The following NTM variants were observed in gnomAD, a reference collection of about 807,000 sequenced individuals.
The protein encoded by NTM is IgLON family member 2.
Under a neutral mutation model 42.1 loss-of-function variants are expected in NTM, and 13 were observed. The observed-to-expected ratio is 0.31, with a 90% confidence interval of 0.20 to 0.49. The LOEUF is 0.49. Among genes scored for constraint, NTM ranks in the 20% least tolerant of loss-of-function variants. The pLI is 0.99. For synonymous variants in NTM, 187 were observed against 179.2 expected, an observed-to-expected ratio of 1.04 and a Z score of -0.35; for missense variants, 373 against 452.8, an observed-to-expected ratio of 0.82 and a Z score of 1.60.
At chr11:131,945,621 A>C (rs2060259514) in intron 2 of NTM, among the ~76,000 whole-genome samples, 1 of 152,238 alleles carries the variant, frequency 6.6e-6, no homozygotes, top group Non-Finnish European at 1.5e-5. Context: ...AAAATCATTT[A>C]AGAAAATAAC....
chr11:131,965,402 C>A (rs960969146), intron 2 of NTM, among the ~76,000 whole-genome samples: 1 of 152,128 alleles, frequency 6.6e-6, no homozygotes, highest in Non-Finnish European at 1.5e-5. Flanking sequence ...GAAAGGAATG[C>A]AGTCACTGCT....
chr11:131,718,042 G>A (rs2077907483), intron 1 of NTM, among the ~76,000 whole-genome samples: 1 of 152,144 alleles, frequency 6.6e-6, no homozygotes, highest in East Asian at 1.9e-4. Context: ...AACTAGCCTT[G>A]TATTCCTGGG....
chr11:132,189,733 G>T (rs770410008), intron 3 of NTM, among the ~76,000 whole-genome samples: 1 of 152,232 alleles, frequency 6.6e-6, no homozygotes, highest in East Asian at 1.9e-4. Flanking sequence ...TCACTCCTGT[G>T]TCAATAGTTA....
chr11:131,778,679 T>C (rs927707694), intron 1 of NTM, among the ~76,000 whole-genome samples: 16 of 152,352 alleles, frequency 1.1e-4, no homozygotes, highest in African/African-American at 3.4e-4. Flanking sequence ...ACAGGAACTT[T>C]AGTCTCATTC....
chr11:131,501,212 G>C (rs2046784324), intron 1 of NTM, among the ~76,000 whole-genome samples: 2 of 152,114 alleles, frequency 1.3e-5, no homozygotes. Flanking sequence ...GTGAATAAAG[G>C]CAGGAAGCAA....
chr11:131,882,192 G>T (rs895506468), intron 1 of NTM, among the ~76,000 whole-genome samples: 3 of 152,180 alleles, frequency 2.0e-5, no homozygotes, highest in African/African-American at 7.2e-5. Flanking sequence ...GTATGTGTGT[G>T]TGTCTTTCTA....
chr11:131,885,623 C>A (rs1366160654), intron 1 of NTM, among the ~76,000 whole-genome samples: 1 of 152,200 alleles, frequency 6.6e-6, no homozygotes, highest in Non-Finnish European at 1.5e-5. Flanking sequence ...TCATACCCAC[C>A]TGTCATCTCC....
intron 1 of NTM, chr11:131,660,777 T>C (rs2067930855): frequency 2.0e-6 from 2 of 1,017,578 alleles, no homozygotes; most frequent in South Asian, 3.3e-5. Context: ...ATAGGCTACT[T>C]GCGAACTCCT....
chr11:131,737,225 C>A (rs2080584181), intron 1 of NTM, among the ~76,000 whole-genome samples: 1 of 152,150 alleles, frequency 6.6e-6, no homozygotes, highest in South Asian at 2.1e-4. Context: ...TCCAACCACT[C>A]TGTGCAATAA....
chr11:131,665,599 C>G (rs1213536811), intron 1 of NTM, among the ~76,000 whole-genome samples: 2 of 152,340 alleles, frequency 1.3e-5, no homozygotes, highest in East Asian at 3.9e-4. Context: ...GAAACTGACA[C>G]TGCTGACACA....
At chr11:132,168,782 A>G (rs2075668680) in intron 3 of NTM, among the ~76,000 whole-genome samples, 1 of 152,138 alleles carries the variant, frequency 6.6e-6, no homozygotes, top group African/African-American at 2.4e-5. Context: ...TTAGGGCCAG[A>G]GACAAACCTG....
At chr11:131,953,318 A>G (rs1410222056) in intron 2 of NTM, among the ~76,000 whole-genome samples, 1 of 152,162 alleles carries the variant, frequency 6.6e-6, no homozygotes, top group Non-Finnish European at 1.5e-5. Flanking sequence ...ACTAAAATTG[A>G]GATCTATCCT....
At chr11:132,292,433 G>T (rs2094476534) in intron 4 of NTM, among the ~76,000 whole-genome samples, 1 of 152,134 alleles carries the variant, frequency 6.6e-6, no homozygotes, top group Non-Finnish European at 1.5e-5. Flanking sequence ...AGTGGAGCAG[G>T]AGACAGGATC....
intron 8 of NTM, among the ~76,000 whole-genome samples, chr11:132,331,248 GATA>G (rs1376297686): frequency 6.6e-6 from 1 of 152,212 alleles, no homozygotes; most frequent in Admixed American, 6.5e-5. Context: ...TAGAAAGGGA[GATA>G]ATAATTCTCA....
intron 3 of NTM, among the ~76,000 whole-genome samples, chr11:132,175,085 A>G (rs560909880): frequency 6.6e-6 from 1 of 152,126 alleles, no homozygotes; most frequent in Non-Finnish European, 1.5e-5. Context: ...GCTGCTTTGC[A>G]AATAAAGTGG....
chr11:131,637,739 T>A (rs1179734199), intron 1 of NTM, among the ~76,000 whole-genome samples: 1 of 151,982 alleles, frequency 6.6e-6, no homozygotes, highest in Non-Finnish European at 1.5e-5. Context: ...CAATCTTAAG[T>A]AGATATTTTG....
At chr11:131,575,561 A>G (rs1354215366) in intron 1 of NTM, among the ~76,000 whole-genome samples, 2 of 152,214 alleles carry the variant, frequency 1.3e-5, no homozygotes, top group Non-Finnish European at 2.9e-5. Flanking sequence ...TTTTCTTGTT[A>G]GATCGCTATA....
rs184402972 is a variant in NTM at position 131,833,506 on chromosome 11, G to A, written c.83-78058G>A. Among the ~76,000 whole-genome samples the A allele has an allele frequency of 3.2e-3, 484 of 152,316 alleles. 3 individuals are homozygous for A. Among genetic ancestry groups the A allele is most frequent in the Non-Finnish European group, 4.5e-3 (303 of 68,022 alleles). ...GGTCACACAGCCAGTAAGTGACAAA[G>A]GAATGGAAGACACTCATGGGGGAAG... On this transcript the variant is annotated intron_variant, in intron 1 of 8. Coordinates refer to ENST00000683400, the MANE Select transcript of NTM (RefSeq NM_001352005.2).
chr11:131,419,596 C>T (rs1297684618), intron 1 of NTM, among the ~76,000 whole-genome samples: 4 of 151,872 alleles, frequency 2.6e-5, no homozygotes, highest in African/African-American at 7.3e-5. Flanking sequence ...AAGAAGCCAT[C>T]GTGGCTGGGC....
Sources: gnomAD v4.1 joint callset for allele counts (sites outside exome capture counted in the v4.1 genomes callset) on GRCh38, gnomAD v4.1.1 for gene constraint, MANE v1.5 for transcripts, NCBI Gene and HGNC (gene_info 2026-07-23, HGNC 2026-07-21) for gene names.